SPTLC2: variants seen among roughly 807,000 people sequenced by gnomAD.
The protein encoded by SPTLC2 is serine palmitoyltransferase long chain base subunit 2, also known as serine palmitoyltransferase 2.
Under a neutral mutation model 62.0 loss-of-function variants are expected in SPTLC2, and 21 were observed. That is an observed-to-expected ratio of 0.34 (90% CI 0.24 to 0.49). The LOEUF (loss-of-function observed/expected upper bound fraction) is 0.49, where lower values mean the gene tolerates loss of function less well. Among genes scored for constraint, SPTLC2 ranks in the 20% least tolerant of loss-of-function variants. The pLI is 0.99. For missense variants in SPTLC2, 511 were observed against 713.0 expected, an observed-to-expected ratio of 0.72 and a Z score of 3.23; for synonymous variants, 261 against 261.8, an observed-to-expected ratio of 1.00 and a Z score of 0.03.
intron 5 of SPTLC2, among the ~76,000 whole-genome samples, chr14:77,563,507 C>A (rs2079625999): frequency 6.6e-6 from 1 of 152,172 alleles, no homozygotes; most frequent in African/African-American, 2.4e-5. Flanking sequence ...TCACTTGCAA[C>A]CTCTGCCTCC....
At chr14:77,525,506 C>T (rs1433259188) in intron 9 of SPTLC2, among the ~76,000 whole-genome samples, 1 of 151,750 alleles carries the variant, frequency 6.6e-6, no homozygotes, top group Non-Finnish European at 1.5e-5. Context: ...AGGAGAATTG[C>T]TTGAACCTGG....
chr14:77,577,013 C>A, intron 3 of SPTLC2, 98 bp from the exon 4 acceptor site: 4 of 1,383,734 alleles, frequency 2.9e-6, no homozygotes, highest in Non-Finnish European at 4.1e-6. Context: ...GCAGAGAGAA[C>A]AAAGTCTATA....
chr14:77,567,432 C>A (rs76492106), intron 5 of SPTLC2, among the ~76,000 whole-genome samples: 1 of 152,210 alleles, frequency 6.6e-6, no homozygotes. Flanking sequence ...CTTCAAAATG[C>A]AGGACAGCAA....
chr14:77,614,557 G>C (rs1324991475), intron 1 of SPTLC2, among the ~76,000 whole-genome samples: 1 of 152,068 alleles, frequency 6.6e-6, no homozygotes, highest in Non-Finnish European at 1.5e-5. Flanking sequence ...CCAGCTACTT[G>C]GGAGGCTGAG....
At chr14:77,580,932 TGA>T (rs1595003113) in intron 2 of SPTLC2, among the ~76,000 whole-genome samples, 1 of 152,234 alleles carries the variant, frequency 6.6e-6, no homozygotes, top group Non-Finnish European at 1.5e-5. Flanking sequence ...ACCCTTCCTC[TGA>T]GAGATTAAGT....
At position 77,592,263 on chromosome 14, in the gene SPTLC2, T is replaced by C. The variant is rs545987717; in HGVS notation, c.327+4923A>G. Among the ~76,000 whole-genome samples the C allele has an allele frequency of 4.5e-3, 684 of 152,028 alleles. 5 individuals carry two copies. The highest frequency in any genetic ancestry group is 0.016 in the African/African-American group (653 of 41,476). On this transcript the variant is annotated intron_variant, in intron 2 of 11. Coordinates refer to ENST00000216484, the MANE Select transcript of SPTLC2 (RefSeq NM_004863.4). ...CATTCTCCTGCCTCAGCCTCCCAAGTAGCTGGGATTACAGGTGCCCACCAC... is the reference window on the plus strand; with the variant it reads ...CATTCTCCTGCCTCAGCCTCCCAAGCAGCTGGGATTACAGGTGCCCACCAC...
intron 2 of SPTLC2, among the ~76,000 whole-genome samples, chr14:77,587,374 C>T (rs978325379): frequency 2.1e-4 from 32 of 152,088 alleles, no homozygotes; most frequent in African/African-American, 7.5e-4. Context: ...CCTGGAGAAA[C>T]TCATATTTAC....
chr14:77,564,400 TACACAC>T (rs6145397), intron 5 of SPTLC2, among the ~76,000 whole-genome samples: 11,940 of 139,006 alleles, frequency 0.086, 631 homozygotes, highest in Admixed American at 0.16. Context: ...TATGCATGCA[TACACAC>T]ACACACACAC....
At position 77,534,588 on chromosome 14, in the gene SPTLC2, T is replaced by TATACACACACACACACACACAC. The variant is rs1555373988; in HGVS notation, c.1304-13008_1304-13007insGTGTGTGTGTGTGTGTGTGTAT. Among the ~76,000 whole-genome samples, 177 of 141,228 alleles carry TATACACACACACACACACACAC rather than the reference T, an allele frequency of 1.3e-3. 1 individual carries two copies. Among genetic ancestry groups the TATACACACACACACACACACAC allele is most frequent in the African/African-American group, 4.4e-3 (166 of 37,600 alleles). 92.7% of individuals were successfully genotyped at this position (141,228 alleles called of 152,430 possible). ...ATAATAAACATTTCACATATTTCAG[T>TATACACACACACACACACACAC]ACACACACACACACACATATGCTAA... On this transcript the variant is annotated intron_variant, in intron 9 of 11. Coordinates refer to ENST00000216484, the MANE Select transcript of SPTLC2 (RefSeq NM_004863.4).
At position 77,566,262 on chromosome 14, in the gene SPTLC2, T is replaced by C. The variant is rs143772236; in HGVS notation, c.757-3773A>G. ...CTTAGAACTTATTCTTAAGCTTTAT[T>C]AAATCTTTGGTTCAAAAATAAAAGG... On this transcript the variant is annotated intron_variant, in intron 5 of 11. Transcript: ENST00000216484. Among the ~76,000 whole-genome samples, 4 of 152,346 alleles carry C rather than the reference T, an allele frequency of 2.6e-5. No individual in the cohort carries two copies. The East Asian group carries it at 7.7e-4, about 29-fold the overall frequency.
chr14:77,562,631 G>A, intron 5 of SPTLC2, 142 bp from the exon 6 acceptor site: 3 of 654,474 alleles, frequency 4.6e-6, no homozygotes, highest in East Asian at 2.8e-5. Flanking sequence ...TTTAAGAAGA[G>A]GAAAAAGGTG....
In SPTLC2 at chr14:77,576,904, T is replaced by C. The variant is rs2140039153; in HGVS notation, c.494A>G (p.Asn165Ser). Residue 165 changes from asparagine (N) to serine (S), a missense_variant, in exon 4 of 12, where the codon AAT (asparagine) becomes AGT (serine). Physicochemically the swap from Asn to Ser is conservative, Grantham distance 46. Coordinates refer to ENST00000216484, the MANE Select transcript of SPTLC2 (RefSeq NM_004863.4). ...CATGTTTATAACACCCTTTATTATA[T>C]TCCCTGTATACCTGTGCATCAATAG... The part of the protein sequence containing the change: ...DYNWSFKYTG[N>S]IIKGVINMGS... 4 of 1,614,138 alleles carry C rather than the reference T, an allele frequency of 2.5e-6. No individual in the cohort carries two copies. Among genetic ancestry groups the C allele is most frequent in the Non-Finnish European group, 3.4e-6 (4 of 1,180,042 alleles).
chr14:77,513,650 CT>C, intron 11 of SPTLC2, among the ~76,000 whole-genome samples: 1 of 152,188 alleles, frequency 6.6e-6, no homozygotes, highest in East Asian at 1.9e-4. Context: ...AATTCCAGCA[CT>C]TTGGGAGGCT....
intron 9 of SPTLC2, among the ~76,000 whole-genome samples, chr14:77,526,066 TA>T (rs1165003712): frequency 6.6e-6 from 1 of 151,798 alleles, no homozygotes; most frequent in South Asian, 2.1e-4. Flanking sequence ...AACAGGAAAA[TA>T]AAAGCAGTAA....
chr14:77,606,578 A>ATTGAAATGTTGAAAT (rs1170158391), intron 1 of SPTLC2, among the ~76,000 whole-genome samples: 1 of 152,160 alleles, frequency 6.6e-6, no homozygotes, highest in Non-Finnish European at 1.5e-5. Context: ...TCAACATTAA[A>ATTGAAATGTTGAAAT]GTCTCTTCTA....
chr14:77,616,635 G>T lies in SPTLC2; in HGVS notation c.-56C>A. 2 of 1,503,300 alleles carry T rather than the reference G, an allele frequency of 1.3e-6. No individual in the cohort carries two copies. The highest frequency in any genetic ancestry group is 1.8e-6 in the Non-Finnish European group (2 of 1,120,462). The allele number at this position is 1,503,300 out of a possible 1,614,324, so 93.1% of individuals were successfully genotyped here. A position where few individuals can be genotyped will look rare whatever the true frequency, so the allele number is the denominator to read the frequency against. The stretch of plus-strand genomic sequence containing the variant: ...TCTGTAGGCGGTGGCAGCGGCGGCG[G>T]CTGCTCCAAGTCCCGCTCCGCACCC... On this transcript the variant is annotated 5_prime_UTR_variant, in exon 1 of 12. Coordinates refer to ENST00000216484, the MANE Select transcript of SPTLC2 (RefSeq NM_004863.4).
intron 1 of SPTLC2, among the ~76,000 whole-genome samples, chr14:77,604,635 A>G (rs1330750911): frequency 2.0e-5 from 3 of 152,116 alleles, no homozygotes; most frequent in Admixed American, 6.6e-5. Flanking sequence ...TGGGAGGCCA[A>G]GGCGGGCGGA....
intron 9 of SPTLC2, among the ~76,000 whole-genome samples, chr14:77,537,885 T>C (rs2079479178): frequency 6.6e-6 from 1 of 151,874 alleles, no homozygotes; most frequent in Admixed American, 6.5e-5. Flanking sequence ...CACTTGTTCA[T>C]GTATTCTTCT....
chr14:77,530,879 A>G (rs1478402052), intron 9 of SPTLC2, among the ~76,000 whole-genome samples: 1 of 152,192 alleles, frequency 6.6e-6, no homozygotes, highest in African/African-American at 2.4e-5. Context: ...AGGAATTTAG[A>G]AGAGGAATAA....
Sources: gnomAD v4.1 joint callset for allele counts (sites outside exome capture counted in the v4.1 genomes callset) on GRCh38, gnomAD v4.1.1 for gene constraint, MANE v1.5 for transcripts, NCBI Gene and HGNC (gene_info 2026-07-23, HGNC 2026-07-21) for gene names.